Variants in FXR1 observed in about 807,000 individuals in gnomAD.
FXR1 encodes the protein FMR1 autosomal homolog 1, also known as RNA-binding protein FXR1.
Under a neutral mutation model 84.0 loss-of-function variants are expected in FXR1, and 15 were observed. The ratio of observed to expected loss-of-function variants is 0.18; its 90% CI spans 0.12 to 0.27. FXR1 has a LOEUF of 0.27. Among genes scored for constraint, FXR1 ranks in the 10% least tolerant of loss-of-function variants. The pLI, the probability that FXR1 is intolerant of heterozygous loss-of-function variation, is 1.00. For missense variants in FXR1, 480 were observed against 774.4 expected (o/e 0.62, Z 4.51); for synonymous variants, 245 against 250.7 (o/e 0.98, Z 0.21).
chr3:180,915,437 T>C (rs1560153243), intron 1 of FXR1: 1 of 1,034,974 alleles, frequency 9.7e-7, no homozygotes, highest in African/African-American at 1.6e-5. Flanking sequence ...CTATATTGTG[T>C]AGTGTTTTGA....
intron 3 of FXR1, among the ~76,000 whole-genome samples, chr3:180,942,270 C>T (rs1000895414): frequency 2.1e-5 from 3 of 145,260 alleles, no homozygotes; most frequent in African/African-American, 2.5e-5. Flanking sequence ...CCCAGCTACT[C>T]GGGAGGCTGA....
chr3:180,937,142 T>A (rs1322040379), intron 3 of FXR1, among the ~76,000 whole-genome samples: 1 of 152,228 alleles, frequency 6.6e-6, no homozygotes, highest in Non-Finnish European at 1.5e-5. Context: ...TCATTTTCAT[T>A]TTTCAAAATT....
intron 9 of FXR1, among the ~76,000 whole-genome samples, chr3:180,956,513 G>T (rs555377224): frequency 1.3e-5 from 2 of 152,272 alleles, no homozygotes; most frequent in East Asian, 3.9e-4. Context: ...AAAGGTTCTG[G>T]GGGAGGAATA....
intron 7 of FXR1, among the ~76,000 whole-genome samples, chr3:180,950,148 A>G (rs950084710): frequency 3.3e-5 from 5 of 152,190 alleles, no homozygotes; most frequent in Admixed American, 1.3e-4. Context: ...CTAGTAGGAT[A>G]CTTGTTCTTC....
chr3:180,930,512 A>G (rs991628980), intron 1 of FXR1, among the ~76,000 whole-genome samples: 3 of 152,230 alleles, frequency 2.0e-5, no homozygotes, highest in Non-Finnish European at 2.9e-5. Flanking sequence ...TACAGAGACT[A>G]GAAAGATTAA....
intron 1 of FXR1, among the ~76,000 whole-genome samples, chr3:180,928,319 T>A (rs1265854774): frequency 6.6e-6 from 1 of 152,048 alleles, no homozygotes; most frequent in Non-Finnish European, 1.5e-5. Flanking sequence ...TTTAAAATAA[T>A]CTTTAAGGTT....
rs1029203369 is a variant in FXR1, at chr3:180,933,245, A to G, written c.52-89A>G. The G allele has an allele frequency of 1.6e-5, 12 of 740,062 alleles. No individual in the cohort carries two copies. In the African/African-American group the frequency reaches 2.1e-4, roughly 13 times the overall value. 45.8% of individuals were successfully genotyped at this position (740,062 alleles called of 1,614,324 possible). On this transcript the variant is annotated intron_variant, in intron 1 of 16. Transcript: ENST00000357559. The stretch of plus-strand genomic sequence containing the variant: ...ATTCCAAACCTTGTGTTCTTTTAGT[A>G]CTCCCTATTATCTTTGAACTAATAC...
chr3:180,951,348 A>G lies in FXR1; in HGVS notation c.681A>G (p.Glu227=), dbSNP rs1560003824. ...AAFHEEFVVR[E]DLMGLAIGTH... is the part of the protein sequence containing the mutation. ...TTCATGAGGAATTTGTTGTGAGAGA[A>G]GATTTAATGGGCCTGGCAATAGGAA... Residue 227 remains glutamate, a synonymous_variant, in exon 8 of 17, where the codon GAA becomes GAG. Transcript: ENST00000357559. The G allele has an allele frequency of 6.2e-7, 1 of 1,609,864 alleles. No individual in the cohort carries two copies.
At chr3:180,912,788 TGAGG>T (rs1291697884) in intron 1 of FXR1, 52 bp downstream of exon 1, 2 of 1,613,780 alleles carry the variant, frequency 1.2e-6, no homozygotes, top group Admixed American at 3.3e-5. Context: ...GGAGCGCGTT[TGAGG>T]GAGGGTTGGT....
At chr3:180,947,608 T>A (rs1217610830) in intron 3 of FXR1, among the ~76,000 whole-genome samples, 1 of 152,224 alleles carries the variant, frequency 6.6e-6, no homozygotes, top group Non-Finnish European at 1.5e-5. Context: ...TTCTTTAAAA[T>A]AATACTTATG....
At chr3:180,963,788 C>G (rs1202945047) in intron 13 of FXR1, among the ~76,000 whole-genome samples, 1 of 152,050 alleles carries the variant, frequency 6.6e-6, no homozygotes, top group East Asian at 1.9e-4. Context: ...CTAAATTCTC[C>G]CTTATTCTTC....
At chr3:180,963,179 T>A (rs1424618202) in intron 13 of FXR1, 89 bp downstream of exon 13, 2 of 636,504 alleles carry the variant, frequency 3.1e-6, no homozygotes, top group Non-Finnish European at 5.5e-6. Flanking sequence ...TTATAATTAG[T>A]TCATTACTCT....
At chr3:180,962,770 C>T (rs1712287076) in intron 11 of FXR1, 113 bp from the exon 12 acceptor site, 1 of 695,658 alleles carries the variant, frequency 1.4e-6, no homozygotes, top group East Asian at 2.6e-5. Context: ...TGCTCTTTAC[C>T]ATCTAATTGC....
At chr3:180,960,194 T>A (rs992947836) in intron 10 of FXR1, among the ~76,000 whole-genome samples, 1 of 152,198 alleles carries the variant, frequency 6.6e-6, no homozygotes, top group Non-Finnish European at 1.5e-5. Context: ...GTAAACCAAG[T>A]CTGGCCTAAT....
Position 180,931,257 on chromosome 3 carries a change from C to T in FXR1, c.52-2077C>T, listed in dbSNP as rs150702173. 6.4e-3 allele frequency among the ~76,000 whole-genome samples: 972 copies of T among 152,022 alleles called. 5 individuals are homozygous for T. Among genetic ancestry groups the T allele is most frequent in the Non-Finnish European group, 9.4e-3 (637 of 67,980 alleles). ...CTTTGAGATGGAGTTTTGCTGTTGT[C>T]GCCCAGGCTGGAGTGTAGTGGTGTA... On this transcript the variant is annotated intron_variant, in intron 1 of 16. Transcript: ENST00000357559.
intron 1 of FXR1, among the ~76,000 whole-genome samples, chr3:180,932,343 AGT>A (rs984143310): frequency 6.6e-6 from 1 of 152,184 alleles, no homozygotes; most frequent in African/African-American, 2.4e-5. Flanking sequence ...CATGGTTGAA[AGT>A]GTGTGTAAGC....
intron 13 of FXR1, among the ~76,000 whole-genome samples, chr3:180,963,792 ATTC>A (rs1290920576): frequency 2.0e-5 from 3 of 152,204 alleles, no homozygotes; most frequent in Admixed American, 6.5e-5. Flanking sequence ...ATTCTCCCTT[ATTC>A]TTCTTCAGCT....
intron 15 of FXR1, chr3:180,971,209 C>CA (rs11368900): frequency 0.41 from 229,082 of 559,782 alleles, 52,625 homozygotes; most frequent in African/African-American, 0.75. Context: ...AAAAAAATGT[C>CA]TATGTCTGCT....
Position 180,970,178 on chromosome 3 carries a change from A to G in FXR1, c.1423A>G (p.Asn475Asp), listed in dbSNP as rs1157263297. ...ISSVLKDPDS[N>D]PYSLLDNTES... ...TATAGTGCTCAAAGATCCAGACAGC[A>G]ATCCATACAGCTTACTTGATAATAC... Residue 475 changes from asparagine (N) to aspartate (D), a missense_variant, in exon 15 of 17, where the codon AAT becomes GAT. Coordinates refer to ENST00000357559, the MANE Select transcript of FXR1 (RefSeq NM_005087.4). 6.2e-7 allele frequency: 1 copy of G among 1,600,892 alleles called. No homozygotes were observed.
Sources: gnomAD v4.1 joint callset for allele counts (sites outside exome capture counted in the v4.1 genomes callset) on GRCh38, gnomAD v4.1.1 for gene constraint, MANE v1.5 for transcripts, NCBI Gene and HGNC (gene_info 2026-07-23, HGNC 2026-07-21) for gene names.